ZMAT4: variants seen among roughly 807,000 people sequenced by gnomAD.
ZMAT4 encodes the protein zinc finger matrin-type 4, also known as zinc finger matrin-type protein 4.
ZMAT4 carries 17 observed loss-of-function variants against 28.7 expected under a neutral mutation model. That is an observed-to-expected ratio of 0.59 (90% CI 0.41 to 0.89). The LOEUF (loss-of-function observed/expected upper bound fraction) is 0.89, where lower values mean the gene tolerates loss of function less well. ZMAT4 is among the 40% of genes least tolerant of loss of function. ZMAT4 has a pLI of 0.00. For synonymous variants in ZMAT4, 117 were observed against 109.2 expected (o/e 1.07, Z -0.44); for missense variants, 240 against 283.8 (o/e 0.85, Z 1.11).
intron 3 of ZMAT4, among the ~76,000 whole-genome samples, chr8:40,763,775 C>T (rs1446407465): frequency 6.6e-6 from 1 of 152,116 alleles, no homozygotes; most frequent in East Asian, 1.9e-4. Context: ...AAAAGTGACA[C>T]TCAGCTTCTC....
chr8:40,840,336 G>T (rs142936918), intron 1 of ZMAT4, among the ~76,000 whole-genome samples: 89 of 152,216 alleles, frequency 5.8e-4, no homozygotes, highest in African/African-American at 2.1e-3. Flanking sequence ...TCAGCTCCAC[G>T]ACTCCCCATG....
chr8:40,577,330 T>C (rs527333154), intron 6 of ZMAT4, among the ~76,000 whole-genome samples: 1 of 152,316 alleles, frequency 6.6e-6, no homozygotes, highest in Non-Finnish European at 1.5e-5. Context: ...TAAAGACATA[T>C]AATACTATTT....
chr8:40,731,176 T>C (rs1288549284), intron 3 of ZMAT4, among the ~76,000 whole-genome samples: 1 of 146,724 alleles, frequency 6.8e-6, no homozygotes, highest in Non-Finnish European at 1.5e-5. Context: ...CTTCCCCTGG[T>C]TGGAGGGCGT....
At chr8:40,552,692 T>C (rs1288148572) in intron 6 of ZMAT4, among the ~76,000 whole-genome samples, 1 of 152,132 alleles carries the variant, frequency 6.6e-6, no homozygotes, top group Non-Finnish European at 1.5e-5. Context: ...GAGTCTCCTA[T>C]ATTAAGTGTG....
intron 2 of ZMAT4, among the ~76,000 whole-genome samples, chr8:40,788,398 C>T (rs900440952): frequency 2.0e-4 from 30 of 152,160 alleles, no homozygotes; most frequent in African/African-American, 7.0e-4. Flanking sequence ...TCCTGGCTAA[C>T]ATGGCGAAAC....
At chr8:40,698,119 T>C (rs968551140) in intron 3 of ZMAT4, among the ~76,000 whole-genome samples, 1 of 152,160 alleles carries the variant, frequency 6.6e-6, no homozygotes, top group African/African-American at 2.4e-5. Flanking sequence ...TTTTCATAAT[T>C]AACTCGATTC....
At chr8:40,779,889 G>A (rs1032589745) in intron 2 of ZMAT4, among the ~76,000 whole-genome samples, 10 of 152,112 alleles carry the variant, frequency 6.6e-5, no homozygotes, top group African/African-American at 4.8e-5. Flanking sequence ...CCAACCCGCC[G>A]GCAACCTGAA....
At chr8:40,787,263 G>A (rs1320757018) in intron 2 of ZMAT4, among the ~76,000 whole-genome samples, 1 of 152,150 alleles carries the variant, frequency 6.6e-6, no homozygotes. Flanking sequence ...TTATAGAATA[G>A]GTTCCCAGAC....
At chr8:40,755,776 G>T (rs144378357) in intron 3 of ZMAT4, among the ~76,000 whole-genome samples, 9 of 152,250 alleles carry the variant, frequency 5.9e-5, no homozygotes, top group Non-Finnish European at 1.2e-4. Flanking sequence ...ATTTTTATGA[G>T]CCATGATATA....
At chr8:40,678,504 A>T (rs1809004678) in intron 4 of ZMAT4, among the ~76,000 whole-genome samples, 1 of 152,180 alleles carries the variant, frequency 6.6e-6, no homozygotes, top group South Asian at 2.1e-4. Flanking sequence ...CACCTGTCCC[A>T]CAAGATGCTA....
At chr8:40,615,406 G>A (rs1805964647) in intron 5 of ZMAT4, among the ~76,000 whole-genome samples, 1 of 152,084 alleles carries the variant, frequency 6.6e-6, no homozygotes, top group Admixed American at 6.5e-5. Context: ...TATGTGTCTT[G>A]GAGTTGCTCT....
At chr8:40,724,116 T>C (rs1220702054) in intron 3 of ZMAT4, among the ~76,000 whole-genome samples, 1 of 152,198 alleles carries the variant, frequency 6.6e-6, no homozygotes, top group Non-Finnish European at 1.5e-5. Flanking sequence ...TAGATTTCTC[T>C]GCACAAAAGA....
At chr8:40,782,665 A>C (rs1435753021) in intron 2 of ZMAT4, among the ~76,000 whole-genome samples, 2 of 152,196 alleles carry the variant, frequency 1.3e-5, no homozygotes, top group Non-Finnish European at 2.9e-5. Context: ...GAAATGCTCC[A>C]GCATGGAACT....
chr8:40,692,895 G>T (rs1270591891), intron 4 of ZMAT4, among the ~76,000 whole-genome samples: 1 of 152,118 alleles, frequency 6.6e-6, no homozygotes, highest in Admixed American at 6.6e-5. Flanking sequence ...AAAAAAAAGA[G>T]GTTGGGGGCA....
chr8:40,768,528 G>T (rs550707198), intron 2 of ZMAT4, among the ~76,000 whole-genome samples: 3 of 152,248 alleles, frequency 2.0e-5, no homozygotes, highest in Non-Finnish European at 4.4e-5. Flanking sequence ...AGGCAGGATG[G>T]CGGAGTGAAA....
intron 4 of ZMAT4, among the ~76,000 whole-genome samples, chr8:40,696,260 T>A (rs1429851728): frequency 6.6e-6 from 1 of 152,124 alleles, no homozygotes; most frequent in African/African-American, 2.4e-5. Context: ...ATTCTCTAGG[T>A]AAAAGAATAC....
At chr8:40,632,144 T>A (rs563934106) in intron 5 of ZMAT4, among the ~76,000 whole-genome samples, 2 of 152,306 alleles carry the variant, frequency 1.3e-5, no homozygotes, top group East Asian at 3.9e-4. Context: ...GGGCTGAGAA[T>A]TCCTGGGGTG....
chr8:40,809,871 C>G (rs1815248468), intron 2 of ZMAT4, among the ~76,000 whole-genome samples: 1 of 151,974 alleles, frequency 6.6e-6, no homozygotes, highest in South Asian at 2.1e-4. Context: ...TGGTGAAACC[C>G]CATCTCTACT....
At chr8:40,732,029 A>T (rs1364823390) in intron 3 of ZMAT4, among the ~76,000 whole-genome samples, 2 of 152,194 alleles carry the variant, frequency 1.3e-5, no homozygotes, top group African/African-American at 4.8e-5. Context: ...AGTCAGAGAC[A>T]GGAAGTAGAA....
Sources: allele counts gnomAD v4.1 joint callset (sites outside exome capture counted in the v4.1 genomes callset), GRCh38; gene constraint gnomAD v4.1.1; transcripts MANE v1.5; gene names NCBI Gene and HGNC (gene_info 2026-07-23, HGNC 2026-07-21).